Variants in NEBL observed in about 807,000 individuals in gnomAD.
NEBL encodes LIM and SH3 protein 2.
In NEBL, 122 loss-of-function variants were observed where a neutral mutation model predicts 140.2. That is an observed-to-expected ratio of 0.87 (90% CI 0.75 to 1.01). The LOEUF (loss-of-function observed/expected upper bound fraction) is 1.01, where lower values mean the gene tolerates loss of function less well. Among genes scored for constraint, NEBL ranks in the 50% least tolerant of loss-of-function variants. The pLI is 0.00. For synonymous variants in NEBL, 436 were observed against 398.9 expected, an observed-to-expected ratio of 1.09 and a Z score of -1.11; for missense variants, 1,365 against 1,231.3, an observed-to-expected ratio of 1.11 and a Z score of -1.62.
In NEBL at chr10:20,787,139, T is replaced by G; in HGVS notation, c.2868+63A>C. On this transcript the variant is annotated intron_variant, in intron 27 of 27. Coordinates refer to ENST00000377122, the MANE Select transcript of NEBL (RefSeq NM_006393.3). ...TCAATTCAACTCTATTCCACATGTA[T>G]TTACATGCTTGAGGGGAAATGGGAA... 2.5e-6 allele frequency: 3 copies of G among 1,222,870 alleles called. No homozygotes were observed. In the South Asian group the frequency reaches 3.8e-5, roughly 16 times the overall value. 75.8% of individuals were successfully genotyped at this position (1,222,870 alleles called of 1,614,324 possible). A position where few individuals can be genotyped will look rare whatever the true frequency, so the allele number is the denominator to read the frequency against.
At chr10:21,118,384 A>T (rs1393989289) in intron 2 of NEBL, among the ~76,000 whole-genome samples, 1 of 152,154 alleles carries the variant, frequency 6.6e-6, no homozygotes, top group South Asian at 2.1e-4. Context: ...ACAGACATTG[A>T]CTCCATTTTA....
At chr10:20,955,005 G>A (rs1414350117) in intron 4 of NEBL, among the ~76,000 whole-genome samples, 2 of 152,358 alleles carry the variant, frequency 1.3e-5, no homozygotes, top group East Asian at 1.9e-4. Flanking sequence ...AGGCAGCAGA[G>A]AGACTTAACA....
intron 7 of NEBL, among the ~76,000 whole-genome samples, chr10:20,866,180 T>TA (rs756071760): frequency 2.0e-5 from 3 of 152,104 alleles, no homozygotes; most frequent in Non-Finnish European, 2.9e-5. Flanking sequence ...ATCACTTTTT[T>TA]ATCATTATTT....
At chr10:21,177,650 C>T (rs1314202607), upstream of NEBL, among the ~76,000 whole-genome samples, 3 of 152,022 alleles carry the variant, frequency 2.0e-5, no homozygotes, top group Non-Finnish European at 4.4e-5. Context: ...CTGCCTCAGC[C>T]TCCCGAGTAG....
chr10:20,937,380 T>C (rs1476616079), intron 4 of NEBL, among the ~76,000 whole-genome samples: 1 of 152,112 alleles, frequency 6.6e-6, no homozygotes, highest in Non-Finnish European at 1.5e-5. Flanking sequence ...ATGAGAGATG[T>C]AGGAGAAAAC....
chr10:20,943,088 G>T (rs1342928540), intron 4 of NEBL, among the ~76,000 whole-genome samples: 2 of 152,060 alleles, frequency 1.3e-5, no homozygotes, highest in Admixed American at 6.6e-5. Flanking sequence ...CCCATTACTG[G>T]GTATATACCC....
intron 2 of NEBL, among the ~76,000 whole-genome samples, chr10:21,028,235 C>CAAAAAAAAAAAAAA (rs1168946872): frequency 4.5e-5 from 3 of 66,214 alleles, no homozygotes; most frequent in African/African-American, 7.0e-5. Context: ...TCAAACATCT[C>CAAAAAAAAAAAAAA]AAAAAAAAAA....
chr10:20,992,368 T>C (rs762080962), intron 3 of NEBL, among the ~76,000 whole-genome samples: 3 of 152,232 alleles, frequency 2.0e-5, no homozygotes, highest in Non-Finnish European at 4.4e-5. Flanking sequence ...GACACAGGCA[T>C]GTGACCTAGG....
At chr10:20,792,123 G>GAAAAAAAAAAAAAAA in intron 26 of NEBL, among the ~76,000 whole-genome samples, 1 of 106,762 alleles carries the variant, frequency 9.4e-6, no homozygotes, top group Non-Finnish European at 2.1e-5. Flanking sequence ...ATTCCAAATA[G>GAAAAAAAAAAAAAAA]AAAAAAAAAA....
intron 1 of NEBL, among the ~76,000 whole-genome samples, chr10:21,271,818 G>A (rs565311656): frequency 1.3e-3 from 201 of 151,730 alleles, no homozygotes; most frequent in Non-Finnish European, 1.6e-3. Context: ...GAGCCACTGC[G>A]CCCTGCCGAG....
upstream of NEBL, among the ~76,000 whole-genome samples, chr10:20,900,521 T>C (rs917583752): frequency 6.7e-6 from 1 of 149,448 alleles, no homozygotes. Flanking sequence ...CTAGTAAAAA[T>C]AGAAAAATTA....
chr10:21,017,374 C>A (rs978295147), intron 3 of NEBL, among the ~76,000 whole-genome samples: 1 of 152,050 alleles, frequency 6.6e-6, no homozygotes, highest in South Asian at 2.1e-4. Flanking sequence ...CTTGATGGAG[C>A]CCAATTGCTT....
intron 2 of NEBL, among the ~76,000 whole-genome samples, chr10:21,151,871 A>G (rs1178884366): frequency 6.6e-6 from 1 of 152,136 alleles, no homozygotes; most frequent in Non-Finnish European, 1.5e-5. Flanking sequence ...ATTTTTCTCT[A>G]TAGAACATAT....
At chr10:20,935,337 A>C (rs569601675) in intron 4 of NEBL, among the ~76,000 whole-genome samples, 4 of 152,258 alleles carry the variant, frequency 2.6e-5, no homozygotes, top group Non-Finnish European at 4.4e-5. Context: ...TTAACACGAC[A>C]ACTGGCAACT....
At chr10:21,202,555 G>T (rs546962187) in intron 3 of NEBL, among the ~76,000 whole-genome samples, 1 of 137,660 alleles carries the variant, frequency 7.3e-6, no homozygotes, top group Admixed American at 8.0e-5. Flanking sequence ...GCTCCGCCCC[G>T]CTGTTGACGC....
chr10:21,285,553 C>T (rs1016261466), intron 1 of NEBL, among the ~76,000 whole-genome samples: 3 of 152,236 alleles, frequency 2.0e-5, no homozygotes, highest in African/African-American at 7.2e-5. Flanking sequence ...TAAAACTAAA[C>T]TATGCCCCAA....
At chr10:20,920,409 G>A (rs999059592) in intron 4 of NEBL, among the ~76,000 whole-genome samples, 7 of 152,126 alleles carry the variant, frequency 4.6e-5, no homozygotes, top group African/African-American at 7.2e-5. Flanking sequence ...CCATCAACAA[G>A]GGACTAGTTA....
chr10:20,825,537 T>C (rs1472428765), intron 18 of NEBL, among the ~76,000 whole-genome samples: 2 of 151,754 alleles, frequency 1.3e-5, no homozygotes, highest in African/African-American at 2.4e-5. Context: ...TGTGGTGGTG[T>C]GTGCCTGTAA....
At chr10:20,880,243 C>G (rs1339703362) in intron 5 of NEBL, among the ~76,000 whole-genome samples, 1 of 152,136 alleles carries the variant, frequency 6.6e-6, no homozygotes, top group Non-Finnish European at 1.5e-5. Flanking sequence ...CACCTGTAAT[C>G]CCAGCTACTC....
Sources: gnomAD v4.1 joint callset for allele counts (sites outside exome capture counted in the v4.1 genomes callset) on GRCh38, gnomAD v4.1.1 for gene constraint, MANE v1.5 for transcripts, NCBI Gene and HGNC (gene_info 2026-07-23, HGNC 2026-07-21) for gene names.